Variants in ARHGEF28 observed in about 807,000 individuals in gnomAD.
ARHGEF28 encodes 190 kDa guanine nucleotide exchange factor.
Under a neutral mutation model 206.6 loss-of-function variants are expected in ARHGEF28, and 152 were observed. The ratio of observed to expected loss-of-function variants is 0.74; its 90% confidence interval spans 0.64 to 0.84. ARHGEF28 has a LOEUF of 0.84. Ranked by LOEUF, ARHGEF28 falls within the 40% of genes least tolerant of loss-of-function variation. The pLI, the probability that ARHGEF28 is intolerant of heterozygous loss-of-function variation, is 0.00. For synonymous variants in ARHGEF28, 763 were observed against 776.4 expected, an observed-to-expected ratio of 0.98 and a Z score of 0.29; for missense variants, 2,028 against 2,073.2, an observed-to-expected ratio of 0.98 and a Z score of 0.42.
At chr5:73,878,057 C>CT (rs1306849483) in intron 22 of ARHGEF28, among the ~76,000 whole-genome samples, 1 of 152,114 alleles carries the variant, frequency 6.6e-6, no homozygotes, top group Non-Finnish European at 1.5e-5. Flanking sequence ...GTGTGGGAGT[C>CT]TAAGTCTCTT....
At chr5:73,850,388 C>A (rs965917947) in intron 13 of ARHGEF28, among the ~76,000 whole-genome samples, 22 of 151,926 alleles carry the variant, frequency 1.4e-4, no homozygotes, top group Non-Finnish European at 7.4e-5. Context: ...CTTGAGAGGG[C>A]AGGATAAATA....
rs1171283883 is a variant in ARHGEF28, at chr5:73,627,616, G to A, written c.-12+1294G>A. Among the ~76,000 whole-genome samples the A allele has an allele frequency of 2.0e-5, 3 of 152,158 alleles. No individual in the cohort carries two copies. In the East Asian group the frequency reaches 5.8e-4, roughly 29 times the overall value. Reference sequence around the variant, plus strand: ...GATTAATAGCCAAAGTAACCCCTTTGGAGTATTTGCAGAAAAGAGATGAAT... The same window carrying A: ...GATTAATAGCCAAAGTAACCCCTTTAGAGTATTTGCAGAAAAGAGATGAAT... On this transcript the variant is annotated intron_variant, in intron 1 of 35. Transcript: ENST00000513042.
intron 2 of ARHGEF28, among the ~76,000 whole-genome samples, chr5:73,729,397 G>C (rs1750471548): frequency 6.6e-6 from 1 of 152,106 alleles, no homozygotes; most frequent in Admixed American, 6.5e-5. Context: ...ATATCCTCTG[G>C]GCTAAAGGAA....
In ARHGEF28 at chr5:73,921,158, G is replaced by A. The variant is rs188325243; in HGVS notation, c.4948+9583G>A. Among the ~76,000 whole-genome samples, 300 of 152,300 alleles carry A rather than the reference G, an allele frequency of 2.0e-3. 2 individuals carry two copies. Among genetic ancestry groups the A allele is most frequent in the African/African-American group, 6.5e-3 (270 of 41,548 alleles). ...AATGTGAACCAATTTCCCTGGCATG[G>A]CCTTCTAGGTATCAGCCTTAAAATG... On this transcript the variant is annotated intron_variant, in intron 35 of 35. Coordinates refer to ENST00000513042, the MANE Select transcript of ARHGEF28 (RefSeq NM_001177693.2).
chr5:73,909,486 C>T lies in ARHGEF28; in HGVS notation c.4236C>T (p.Leu1412=), dbSNP rs774585117. 1.6e-5 allele frequency: 25 copies of T among 1,612,256 alleles called. No homozygotes were observed. Among genetic ancestry groups the T allele is most frequent in the Non-Finnish European group, 1.4e-5 (16 of 1,179,448 alleles). ...LVLQQQEGLS[L]GHSILRGGPL... ...TCCAGCAGCAGGAGGGCCTGTCTCT[C>T]GGCCACTCTATCCTCCGAGGCGGCC... is the stretch of plus-strand genomic sequence containing the variant. Residue 1412 remains leucine (L), a synonymous_variant, in exon 34 of 36, where the codon CTC becomes CTT. Transcript: ENST00000513042.
intron 4 of ARHGEF28, among the ~76,000 whole-genome samples, chr5:73,755,457 C>T (rs1203426813): frequency 6.6e-6 from 1 of 152,142 alleles, no homozygotes; most frequent in East Asian, 1.9e-4. Flanking sequence ...TCTCTCAGCA[C>T]AGCAGCTTGG....
At chr5:73,654,052 C>T (rs2652115) in intron 1 of ARHGEF28, among the ~76,000 whole-genome samples, 34,336 of 152,084 alleles carry the variant, frequency 0.23, 4,115 homozygotes, top group African/African-American at 0.25. Context: ...TAACTTCTCT[C>T]CTTAAGTTAG....
At chr5:73,866,565 G>C (rs1264673206) in intron 18 of ARHGEF28, among the ~76,000 whole-genome samples, 1 of 152,196 alleles carries the variant, frequency 6.6e-6, no homozygotes, top group Non-Finnish European at 1.5e-5. Flanking sequence ...GCTTGAGGCT[G>C]TGATCTCATT....
At chr5:73,778,553 C>T (rs1753661798) in intron 6 of ARHGEF28, among the ~76,000 whole-genome samples, 1 of 152,106 alleles carries the variant, frequency 6.6e-6, no homozygotes, top group African/African-American at 2.4e-5. Flanking sequence ...TTCCAAGTTT[C>T]CACATCCCTC....
At chr5:73,821,791 A>C (rs1579939162) in intron 9 of ARHGEF28, among the ~76,000 whole-genome samples, 1 of 152,134 alleles carries the variant, frequency 6.6e-6, no homozygotes. Flanking sequence ...ATCATGCCGA[A>C]GTCCACACAC....
At chr5:73,804,781 A>G (rs972537386) in intron 9 of ARHGEF28, among the ~76,000 whole-genome samples, 9 of 152,120 alleles carry the variant, frequency 5.9e-5, no homozygotes, top group African/African-American at 2.2e-4. Flanking sequence ...TCATCACACC[A>G]TATAAAAGGT....
At chr5:73,782,874 C>T (rs928557193) in intron 7 of ARHGEF28, among the ~76,000 whole-genome samples, 3 of 152,130 alleles carry the variant, frequency 2.0e-5, no homozygotes, top group African/African-American at 7.2e-5. Context: ...TTTCTGGGCA[C>T]TTGATTACAA....
intron 1 of ARHGEF28, among the ~76,000 whole-genome samples, chr5:73,671,362 A>G (rs1746290159): frequency 6.6e-6 from 1 of 152,124 alleles, no homozygotes; most frequent in Non-Finnish European, 1.5e-5. Flanking sequence ...TTGCTACCTT[A>G]AACGTTGATA....
chr5:73,898,655 C>T (rs563417201), intron 30 of ARHGEF28: 1 of 152,210 alleles, frequency 6.6e-6, no homozygotes, highest in African/African-American at 2.4e-5. Flanking sequence ...TCTGTGCCAT[C>T]CTACACTTTA....
At chr5:73,901,364 C>A in intron 31 of ARHGEF28, 80 bp downstream of exon 31, 1 of 1,165,776 alleles carries the variant, frequency 8.6e-7, no homozygotes, top group Non-Finnish European at 1.2e-6. Flanking sequence ...TCTGTCACGG[C>A]AGTCAGTGGG....
At chr5:73,869,931 T>C in intron 20 of ARHGEF28, 138 bp from the exon 21 acceptor site, 1 of 956,636 alleles carries the variant, frequency 1.0e-6, no homozygotes, top group Non-Finnish European at 1.5e-6. Context: ...TTTCACTCCA[T>C]GTTAATATGT....
chr5:73,821,886 C>T (rs891851312), intron 9 of ARHGEF28, among the ~76,000 whole-genome samples: 2 of 151,960 alleles, frequency 1.3e-5, no homozygotes, highest in Non-Finnish European at 2.9e-5. Flanking sequence ...GTCCTTTTTC[C>T]AAACATAAAT....
chr5:73,752,170 C>T (rs1163697603), intron 3 of ARHGEF28, among the ~76,000 whole-genome samples: 1 of 151,290 alleles, frequency 6.6e-6, no homozygotes, highest in East Asian at 1.9e-4. Context: ...AAAAATCTGC[C>T]AAGGGCAGCA....
At chr5:73,878,744 ATATTGGCCCC>A (rs1451643284) in intron 22 of ARHGEF28, among the ~76,000 whole-genome samples, 1 of 150,808 alleles carries the variant, frequency 6.6e-6, no homozygotes, top group Non-Finnish European at 1.5e-5. Context: ...AGAATGTTGA[ATATTGGCCCC>A]CAGTCTCTTC....
Sources: gnomAD v4.1 joint callset for allele counts (sites outside exome capture counted in the v4.1 genomes callset) on GRCh38, gnomAD v4.1.1 for gene constraint, MANE v1.5 for transcripts, NCBI Gene and HGNC (gene_info 2026-07-23, HGNC 2026-07-21) for gene names.